DCHS2: variants seen among roughly 807,000 people sequenced by gnomAD.
The protein encoded by DCHS2 is protocadherin-23.
Under a neutral mutation model 182.4 loss-of-function variants are expected in DCHS2, and 142 were observed. The observed-to-expected ratio is 0.78, with a 90% CI of 0.68 to 0.89. The LOEUF (loss-of-function observed/expected upper bound fraction) is 0.89. DCHS2 is among the 40% of genes least tolerant of loss of function. The pLI is 0.00. For synonymous variants in DCHS2, 1,740 were observed against 1,663.3 expected, an observed-to-expected ratio of 1.05 and a Z score of -1.12; for missense variants, 4,319 against 4,198.6, an observed-to-expected ratio of 1.03 and a Z score of -0.79.
chr4:154,451,415 C>T (rs975979203), intron 1 of DCHS2, among the ~76,000 whole-genome samples: 5 of 152,102 alleles, frequency 3.3e-5, no homozygotes, highest in Non-Finnish European at 7.4e-5. Flanking sequence ...GTGTGCATAA[C>T]AGTAATCCAC....
intron 14 of DCHS2, among the ~76,000 whole-genome samples, chr4:154,263,472 G>A (rs1026553460): frequency 6.6e-6 from 1 of 151,886 alleles, no homozygotes; most frequent in Non-Finnish European, 1.5e-5. Flanking sequence ...CAGAAATGAA[G>A]ACAGAAATCC....
At chr4:154,266,028 T>C (rs958307893) in intron 14 of DCHS2, among the ~76,000 whole-genome samples, 4 of 152,218 alleles carry the variant, frequency 2.6e-5, no homozygotes, top group African/African-American at 9.6e-5. Flanking sequence ...AATTATACTG[T>C]AGTAAAAGTT....
At chr4:154,309,086 C>T (rs1204131322) in intron 10 of DCHS2, among the ~76,000 whole-genome samples, 9 of 152,210 alleles carry the variant, frequency 5.9e-5, no homozygotes, top group South Asian at 2.1e-4. Flanking sequence ...ATATTCTTAT[C>T]GCACTGGCTT....
chr4:154,455,482 A>G lies in DCHS2; in HGVS notation c.2052+33822T>C, dbSNP rs1432991893. On this transcript the variant is annotated intron_variant, in intron 1 of 19. Coordinates refer to ENST00000357232, the MANE Select transcript of DCHS2 (RefSeq NM_001358235.2). ...TGTCTGCAAGTGATTTTGTTTATTA[A>G]ATGCCCTTCACACACATTATTTTAT... Among the ~76,000 whole-genome samples, 4 of 152,230 alleles carry G rather than the reference A, an allele frequency of 2.6e-5. No homozygotes were observed. In the East Asian group the frequency reaches 7.7e-4, roughly 29 times the overall value.
At chr4:154,312,370 G>A (rs945378907) in intron 10 of DCHS2, among the ~76,000 whole-genome samples, 3 of 152,096 alleles carry the variant, frequency 2.0e-5, no homozygotes, top group Admixed American at 1.3e-4. Flanking sequence ...GACGGGGCAC[G>A]TCAATGAATA....
At chr4:154,242,467 A>C (rs947096119) in intron 17 of DCHS2, among the ~76,000 whole-genome samples, 175 bp downstream of exon 17, 1 of 152,182 alleles carries the variant, frequency 6.6e-6, no homozygotes, top group African/African-American at 2.4e-5. Flanking sequence ...TTTGACATTT[A>C]ATATTTAACT....
chr4:154,322,149 A>G (rs1736084717), intron 8 of DCHS2, among the ~76,000 whole-genome samples, 182 bp downstream of exon 8: 1 of 152,226 alleles, frequency 6.6e-6, no homozygotes, highest in Non-Finnish European at 1.5e-5. Flanking sequence ...GGTCTAAATC[A>G]TTTTTCTAGT....
At position 154,256,852 on chromosome 4, in the gene DCHS2, A is replaced by T. The variant is rs758085301; in HGVS notation, c.6790-1182T>A. ...AGGGGACCCTGAGTGACCCAGGTGC[A>T]GTATCCAGGAGCTCATCAGACAGGG... On this transcript the variant is annotated intron_variant, in intron 15 of 19. Transcript: ENST00000357232. 3.9e-5 allele frequency among the ~76,000 whole-genome samples: 6 copies of T among 152,262 alleles called. No individual in the cohort carries two copies. In the South Asian group the frequency reaches 1.0e-3, roughly 26 times the overall value.
chr4:154,440,288 G>A (rs767655662), intron 1 of DCHS2, among the ~76,000 whole-genome samples: 27 of 152,282 alleles, frequency 1.8e-4, no homozygotes, highest in South Asian at 1.0e-3. Flanking sequence ...AAAAGTGTAC[G>A]ATTGATGGTT....
intron 13 of DCHS2, among the ~76,000 whole-genome samples, chr4:154,294,055 GA>G (rs1734800164): frequency 6.6e-6 from 1 of 152,086 alleles, no homozygotes; most frequent in Non-Finnish European, 1.5e-5. Context: ...GACATTTGGG[GA>G]ATACCCACTA....
Position 154,490,447 on chromosome 4 carries a change from G to T in DCHS2, c.909C>A (p.Ala303=). Reference sequence around the variant, plus strand: ...CCGGCTGGGCGTCCTCGCGCACCGCGGCGCGGTACTCGTCCTGCTCAAAGA... The same window carrying T: ...CCGGCTGGGCGTCCTCGCGCACCGCTGCGCGGTACTCGTCCTGCTCAAAGA... ...PPVFEQDEYR[A]AVREDAQPGA... Residue 303 remains alanine, a synonymous_variant, in exon 1 of 20, where the codon GCC becomes GCA. Transcript: ENST00000357232. 1 of 1,535,126 alleles carries T rather than the reference G, an allele frequency of 6.5e-7. No individual in the cohort carries two copies. The highest frequency in any genetic ancestry group is 1.4e-5 in the African/African-American group (1 of 72,952).
intron 1 of DCHS2, among the ~76,000 whole-genome samples, chr4:154,478,402 A>T (rs1035623436): frequency 6.6e-6 from 1 of 152,210 alleles, no homozygotes; most frequent in Non-Finnish European, 1.5e-5. Flanking sequence ...TGAACCTTCT[A>T]GGGGTGAGTA....
intron 18 of DCHS2, among the ~76,000 whole-genome samples, chr4:154,240,307 T>TA (rs11379756): frequency 0.83 from 119,061 of 143,566 alleles, 50,250 homozygotes; most frequent in Non-Finnish European, 0.93. Context: ...CTCTAAAAAC[T>TA]AAAAAAAAAA....
rs1225668318 is a variant in DCHS2, at chr4:154,298,113, C to T, written c.6201G>A (p.Leu2067=). The part of the protein sequence containing the change: ...TVIVRADDLD[L]GPNGTVVFSF... ...TAAAAACCACAGTTCCATTGGGCCC[C>T]AAGTCCAGGTCATCAGCTCTCACAA... Residue 2067 remains leucine, a synonymous_variant, in exon 13 of 20, where the codon TTG becomes TTA. Coordinates refer to ENST00000357232, the MANE Select transcript of DCHS2 (RefSeq NM_001358235.2). 4 of 1,613,936 alleles carry T rather than the reference C, an allele frequency of 2.5e-6. No individual in the cohort carries two copies. Among genetic ancestry groups the T allele is most frequent in the South Asian group, 1.1e-5 (1 of 91,078 alleles).
chr4:154,365,057 A>G (rs1303898560), intron 3 of DCHS2, among the ~76,000 whole-genome samples: 1 of 152,178 alleles, frequency 6.6e-6, no homozygotes, highest in Non-Finnish European at 1.5e-5. Context: ...GCAACAAGCT[A>G]ATGAATAGAA....
At chr4:154,273,652 G>A (rs1183484709) in intron 13 of DCHS2, among the ~76,000 whole-genome samples, 1 of 151,782 alleles carries the variant, frequency 6.6e-6, no homozygotes, top group Admixed American at 6.6e-5. Flanking sequence ...TGTATACATA[G>A]AAAAAATATT....
intron 10 of DCHS2, among the ~76,000 whole-genome samples, chr4:154,313,000 A>C (rs1735724326): frequency 1.3e-5 from 2 of 152,242 alleles, no homozygotes; most frequent in African/African-American, 2.4e-5. Flanking sequence ...GTGCAGCACC[A>C]GGGATTCCAG....
At chr4:154,399,275 A>T (rs1450006438) in intron 1 of DCHS2, among the ~76,000 whole-genome samples, 1 of 152,212 alleles carries the variant, frequency 6.6e-6, no homozygotes, top group African/African-American at 2.4e-5. Flanking sequence ...TTTGCTTTTA[A>T]TCGTTCCCCC....
At chr4:154,456,392 T>C (rs1207545668) in intron 1 of DCHS2, among the ~76,000 whole-genome samples, 1 of 152,228 alleles carries the variant, frequency 6.6e-6, no homozygotes, top group East Asian at 1.9e-4. Flanking sequence ...ACTCAGTCCC[T>C]GTCCTCCAGG....
Sources: allele counts gnomAD v4.1 joint callset (sites outside exome capture counted in the v4.1 genomes callset), GRCh38; gene constraint gnomAD v4.1.1; transcripts MANE v1.5; gene names NCBI Gene and HGNC (gene_info 2026-07-23, HGNC 2026-07-21).